CDKL2: variants seen among roughly 807,000 people sequenced by gnomAD.
CDKL2 encodes the protein cyclin dependent kinase like 2.
A neutral mutation model predicts 63.9 loss-of-function variants in CDKL2; 64 were observed. The ratio of observed to expected loss-of-function variants is 1.00; its 90% CI spans 0.82 to 1.23. CDKL2 has a LOEUF of 1.23. Among genes scored for constraint, CDKL2 ranks in the 50% most tolerant of loss-of-function variants. The probability of loss-of-function intolerance (pLI) is 0.00; values close to 1 mark genes in which losing one functional copy is unlikely to be tolerated. For synonymous variants in CDKL2, 211 were observed against 229.2 expected (o/e 0.92, Z 0.72); for missense variants, 656 against 668.0 (o/e 0.98, Z 0.20).
intron 1 of CDKL2, among the ~76,000 whole-genome samples, chr4:75,629,013 CT>C (rs1374636323): frequency 2.0e-5 from 3 of 152,060 alleles, no homozygotes; most frequent in Non-Finnish European, 4.4e-5. Flanking sequence ...CAGACACTAA[CT>C]TTCCATGCAT....
At chr4:75,627,435 G>C (rs1730471277) in intron 1 of CDKL2, among the ~76,000 whole-genome samples, 1 of 151,800 alleles carries the variant, frequency 6.6e-6, no homozygotes, top group African/African-American at 2.4e-5. Flanking sequence ...CCACACCCGG[G>C]TAAGTTTTGT....
intron 3 of CDKL2, among the ~76,000 whole-genome samples, chr4:75,610,255 C>T (rs1729632937): frequency 6.6e-6 from 1 of 151,792 alleles, no homozygotes; most frequent in Non-Finnish European, 1.5e-5. Flanking sequence ...AGTCGGGAGA[C>T]CTGGGTCTAG....
chr4:75,616,700 CAAA>C (rs765649411), intron 2 of CDKL2, among the ~76,000 whole-genome samples: 44 of 70,422 alleles, frequency 6.2e-4, no homozygotes, highest in African/African-American at 1.7e-3. Context: ...ACTCCATCTC[CAAA>C]AAAAAAAAAA....
intron 3 of CDKL2, among the ~76,000 whole-genome samples, chr4:75,610,279 G>A (rs1197302215): frequency 6.6e-6 from 1 of 152,006 alleles, no homozygotes; most frequent in Non-Finnish European, 1.5e-5. Flanking sequence ...CTGGTTTTCA[G>A]TACAGCCATA....
intron 2 of CDKL2, among the ~76,000 whole-genome samples, chr4:75,615,898 G>A (rs1729905654): frequency 6.6e-6 from 1 of 152,132 alleles, no homozygotes; most frequent in African/African-American, 2.4e-5. Flanking sequence ...GGTTAATGTG[G>A]GAGAATCACT....
intron 4 of CDKL2, 38 bp downstream of exon 4, chr4:75,607,136 AAGAAGCAAG>A: frequency 2.1e-6 from 3 of 1,458,418 alleles, no homozygotes; most frequent in Non-Finnish European, 2.8e-6. Context: ...CCACTATAGC[AAGAAGCAAG>A]AGTAAAAATC....
Position 75,609,671 on chromosome 4 carries a change from A to G in CDKL2, c.364-2310T>C, listed in dbSNP as rs996867976. 2.0e-4 allele frequency among the ~76,000 whole-genome samples: 30 copies of G among 147,890 alleles called. No homozygotes were observed. In the South Asian group the frequency reaches 6.1e-3, roughly 30 times the overall value. Reference sequence around the variant, plus strand: ...ATGATATATTATATATATAATATATATATATTTAAAAATCTACAGCTAGGC... The same window carrying G: ...ATGATATATTATATATATAATATATGTATATTTAAAAATCTACAGCTAGGC... On this transcript the variant is annotated intron_variant, in intron 3 of 13. Coordinates refer to ENST00000307465, the MANE Select transcript of CDKL2 (RefSeq NM_001330724.2).
chr4:75,608,672 G>T (rs1729539910), intron 3 of CDKL2, among the ~76,000 whole-genome samples: 1 of 152,038 alleles, frequency 6.6e-6, no homozygotes, highest in Admixed American at 6.6e-5. Flanking sequence ...ATGGGAAGGA[G>T]GAAATGCAGT....
chr4:75,612,657 T>C (rs1729752901), intron 3 of CDKL2, among the ~76,000 whole-genome samples: 1 of 152,226 alleles, frequency 6.6e-6, no homozygotes, highest in East Asian at 1.9e-4. Flanking sequence ...CACTAACACC[T>C]CATGCTGATC....
chr4:75,628,531 C>G (rs7685459), intron 1 of CDKL2, among the ~76,000 whole-genome samples: 133,155 of 152,228 alleles, frequency 0.87, 58,255 homozygotes, highest in East Asian at 0.92. Flanking sequence ...AAAATGCTTT[C>G]GTACAGAAAA....
chr4:75,607,018 T>C, intron 4 of CDKL2, among the ~76,000 whole-genome samples, 165 bp downstream of exon 4: 1 of 152,164 alleles, frequency 6.6e-6, no homozygotes, highest in Non-Finnish European at 1.5e-5. Context: ...CACAGGAATG[T>C]TTAAAGGGGA....
chr4:75,576,717 A>T lies in CDKL2; in HGVS notation c.*2485T>A, dbSNP rs1263156618. On this transcript the variant is annotated 3_prime_UTR_variant, in exon 14 of 14. Coordinates refer to ENST00000307465, the MANE Select transcript of CDKL2 (RefSeq NM_001330724.2). ...AGAAAACAAATCGATCACATTTTTC[A>T]GTCTAGTCTGATACATAGTGTATTA... Among the ~76,000 whole-genome samples, 1 of 152,232 alleles carries T rather than the reference A, an allele frequency of 6.6e-6. No homozygotes were observed. The highest frequency in any genetic ancestry group is 2.4e-5 in the African/African-American group (1 of 41,464).
At chr4:75,608,048 C>T (rs1358845694) in intron 3 of CDKL2, among the ~76,000 whole-genome samples, 1 of 150,788 alleles carries the variant, frequency 6.6e-6, no homozygotes. Flanking sequence ...TCCTGACCTC[C>T]TCGTGATCTG....
intron 4 of CDKL2, 53 bp downstream of exon 4, chr4:75,607,130 T>C (rs1228814863): frequency 7.1e-6 from 10 of 1,411,340 alleles, no homozygotes; most frequent in Non-Finnish European, 8.8e-6. Context: ...CATATTCCAC[T>C]ATAGCAAGAA....
intron 13 of CDKL2, 130 bp downstream of exon 13, chr4:75,581,680 T>C (rs1297591785): frequency 1.8e-6 from 1 of 558,146 alleles, no homozygotes; most frequent in Non-Finnish European, 3.3e-6. Flanking sequence ...GGCACAACTC[T>C]TTCTCTATCA....
At chr4:75,587,635 C>T (rs774802368) in intron 12 of CDKL2, among the ~76,000 whole-genome samples, 6 of 151,922 alleles carry the variant, frequency 3.9e-5, no homozygotes, top group South Asian at 2.1e-4. Context: ...AGAGGCCGGG[C>T]GCAGTGGTTC....
intron 10 of CDKL2, among the ~76,000 whole-genome samples, chr4:75,593,056 CT>C (rs2148870013): frequency 6.6e-6 from 1 of 152,162 alleles, no homozygotes; most frequent in South Asian, 2.1e-4. Context: ...ATGGAGGTTC[CT>C]TGATGCCTCA....
intron 3 of CDKL2, among the ~76,000 whole-genome samples, chr4:75,610,879 G>T (rs960042136): frequency 2.6e-5 from 4 of 152,104 alleles, no homozygotes; most frequent in African/African-American, 9.6e-5. Flanking sequence ...AGCCACTACC[G>T]TTATTATCTG....
chr4:75,582,754 A>C (rs1728315688), intron 12 of CDKL2, among the ~76,000 whole-genome samples: 1 of 152,158 alleles, frequency 6.6e-6, no homozygotes, highest in Admixed American at 6.5e-5. Context: ...TAAGCTAATG[A>C]AAAGAAAAGA....
Sources: gnomAD v4.1 joint callset for allele counts (sites outside exome capture counted in the v4.1 genomes callset) on GRCh38, gnomAD v4.1.1 for gene constraint, MANE v1.5 for transcripts, NCBI Gene and HGNC (gene_info 2026-07-23, HGNC 2026-07-21) for gene names.